MON2: variants seen among roughly 807,000 people sequenced by gnomAD.
The protein encoded by MON2 is protein MON2 homolog.
MON2 carries 84 observed loss-of-function variants against 208.6 expected under a neutral mutation model. The ratio of observed to expected loss-of-function variants is 0.40; its 90% CI spans 0.34 to 0.48. MON2 has a LOEUF of 0.48. MON2 is among the 20% of genes least tolerant of loss of function. MON2 has a pLI of 0.59. For missense variants in MON2, 1,611 were observed against 2,015.4 expected, an observed-to-expected ratio of 0.80 and a Z score of 3.84; for synonymous variants, 660 against 694.0, an observed-to-expected ratio of 0.95 and a Z score of 0.77.
chr12:62,496,736 A>C (rs1181810673), intron 4 of MON2, among the ~76,000 whole-genome samples: 2 of 152,234 alleles, frequency 1.3e-5, no homozygotes, highest in Admixed American at 1.3e-4. Flanking sequence ...TATCTAGACT[A>C]TATAAAGAAC....
chr12:62,532,468 A>G lies in MON2; in HGVS notation c.1431A>G (p.Pro477=). Residue 477 remains proline, a synonymous_variant, in exon 12 of 35, where the codon CCA becomes CCG. Transcript: ENST00000393630. ...AAATGTTGGACAAAGTTGAGCCTCC[A>G]ACTATACCTGAAGGTTACGCCATGT... is the stretch of plus-strand genomic sequence containing the variant. ...YLEMLDKVEP[P]TIPEGYAMSV... The G allele has an allele frequency of 3.1e-6, 5 of 1,614,082 alleles. No individual in the cohort carries two copies. Among genetic ancestry groups the G allele is most frequent in the Non-Finnish European group, 4.2e-6 (5 of 1,179,960 alleles).
chr12:62,471,313 C>T lies in MON2; in HGVS notation c.111+3995C>T, dbSNP rs1467160650. 4.6e-5 allele frequency among the ~76,000 whole-genome samples: 7 copies of T among 152,032 alleles called. No individual in the cohort carries two copies. The East Asian group carries it at 9.7e-4, about 21-fold the overall frequency. ...TTTTCCCGCCTCAGCCTCCTGAGTA[C>T]CTGGGATCACAGGCGCGTGCCACCA... On this transcript the variant is annotated intron_variant, in intron 1 of 34. Transcript: ENST00000393630.
intron 32 of MON2, among the ~76,000 whole-genome samples, 190 bp downstream of exon 32, chr12:62,580,610 T>C (rs2074970457): frequency 1.3e-5 from 2 of 152,168 alleles, no homozygotes; most frequent in African/African-American, 2.4e-5. Flanking sequence ...AATAGAATGT[T>C]TTTATTCCAT....
At chr12:62,490,522 G>T (rs1319449087) in intron 2 of MON2, among the ~76,000 whole-genome samples, 1 of 152,066 alleles carries the variant, frequency 6.6e-6, no homozygotes, top group African/African-American at 2.4e-5. Context: ...ATATCTCTCA[G>T]TTGGAAGAGC....
intron 7 of MON2, among the ~76,000 whole-genome samples, chr12:62,504,064 G>A (rs1216885356): frequency 6.6e-6 from 1 of 151,910 alleles, no homozygotes; most frequent in African/African-American, 2.4e-5. Flanking sequence ...CAGGGATTTA[G>A]TACACTGTTG....
At chr12:62,503,131 T>C (rs1229458314) in intron 7 of MON2, among the ~76,000 whole-genome samples, 1 of 152,204 alleles carries the variant, frequency 6.6e-6, no homozygotes, top group Non-Finnish European at 1.5e-5. Flanking sequence ...CCAGATTCCT[T>C]ACATATTAAT....
rs149287938 is a variant in MON2 at position 62,573,884 on chromosome 12, T to C, written c.4514+2302T>C. 9.9e-3 allele frequency among the ~76,000 whole-genome samples: 1,513 copies of C among 152,310 alleles called. 19 individuals carry two copies. Among genetic ancestry groups the C allele is most frequent in the Non-Finnish European group, 0.017 (1,137 of 68,026 alleles). ...TCAATGCAGTTGTAGTATAATTTCA[T>C]TTAAAATATTTTGCCTGATTATGGC... is the stretch of plus-strand genomic sequence containing the variant. On this transcript the variant is annotated intron_variant, in intron 30 of 34. Coordinates refer to ENST00000393630, the MANE Select transcript of MON2 (RefSeq NM_015026.3).
intron 20 of MON2, among the ~76,000 whole-genome samples, 166 bp downstream of exon 20, chr12:62,543,364 G>A (rs550611693): frequency 1.3e-5 from 2 of 151,956 alleles, no homozygotes; most frequent in African/African-American, 4.8e-5. Context: ...AAGTTGTTTT[G>A]TAATTTATTT....
Position 62,535,667 on chromosome 12 carries a change from A to C in MON2, c.1858A>C (p.Thr620Pro), listed in dbSNP as rs2136232100. ...TTCCCTGCCTCCCCATTATGCTCTT[A>C]CTGTATTGAATACCACCACTGCAGC... ...KGSLPPHYAL[T>P]VLNTTTAATL... The change falls in exon 14 of 35, where the codon ACT becomes CCT. Residue 620 changes from threonine (T) to proline (P), a missense_variant. Physicochemically the swap from Thr to Pro is conservative, Grantham distance 38. Transcript: ENST00000393630. 1.9e-6 allele frequency: 3 copies of C among 1,613,230 alleles called. No homozygotes were observed. In the East Asian group the frequency reaches 6.7e-5, roughly 36 times the overall value.
At chr12:62,586,612 A>G (rs2075228100) in intron 33 of MON2, among the ~76,000 whole-genome samples, 1 of 152,064 alleles carries the variant, frequency 6.6e-6, no homozygotes, top group South Asian at 2.1e-4. Flanking sequence ...GTGTATTTTG[A>G]ATTTCTAGAA....
At chr12:62,580,835 C>T (rs1198247169) in intron 32 of MON2, among the ~76,000 whole-genome samples, 2 of 152,152 alleles carry the variant, frequency 1.3e-5, no homozygotes, top group African/African-American at 4.8e-5. Context: ...TGCCACTTAG[C>T]AGTCAATTAA....
chr12:62,483,443 G>A lies in MON2; in HGVS notation c.112-727G>A, dbSNP rs1795715. The stretch of plus-strand genomic sequence containing the variant: ...GGTCTGGGCACGGTGGCCCATGCCT[G>A]TAATCCTGGCACTTTGGGAGGCTGA... On this transcript the variant is annotated intron_variant, in intron 1 of 34. Transcript: ENST00000393630. Among the ~76,000 whole-genome samples the A allele has an allele frequency of 5.3e-3, 802 of 152,350 alleles. 4 individuals are homozygous for A. Among genetic ancestry groups the A allele is most frequent in the Middle Eastern group, 0.02 (6 of 294 alleles).
chr12:62,532,367 G>A, intron 11 of MON2, 71 bp from the exon 12 acceptor site: 5 of 1,104,110 alleles, frequency 4.5e-6, no homozygotes, highest in Non-Finnish European at 6.8e-6. Context: ...TCTGTAAATT[G>A]TAGAAAATAG....
rs746669822 is a variant in MON2, at chr12:62,532,659, A to T, written c.1622A>T (p.Asp541Val). The change falls in exon 12 of 35, where the codon GAT (aspartate) becomes GTT (valine). Residue 541 changes from aspartate to valine, a missense_variant. Coordinates refer to ENST00000393630, the MANE Select transcript of MON2 (RefSeq NM_015026.3). The part of the protein sequence containing the change: ...QDLQSTSDQM[D>V]KEIVSRAVWE... ...TTACAGTCAACATCAGACCAAATGG[A>T]TAAGGAAATTGGTATGAGTCTGTAT... 3 of 1,607,536 alleles carry T rather than the reference A, an allele frequency of 1.9e-6. No individual in the cohort carries two copies. The highest frequency in any genetic ancestry group is 2.6e-6 in the Non-Finnish European group (3 of 1,174,064).
chr12:62,539,158 G>A (rs957515628), intron 19 of MON2, among the ~76,000 whole-genome samples: 6 of 151,810 alleles, frequency 4.0e-5, no homozygotes, highest in African/African-American at 1.5e-4. Context: ...AATATAGTTT[G>A]ACTATTTACA....
intron 30 of MON2, among the ~76,000 whole-genome samples, chr12:62,576,361 G>A (rs1417026819): frequency 6.6e-6 from 1 of 151,890 alleles, no homozygotes; most frequent in Non-Finnish European, 1.5e-5. Context: ...TCTTTTTGGG[G>A]GGGTGATCAA....
At chr12:62,478,938 A>G (rs187773689) in intron 1 of MON2, among the ~76,000 whole-genome samples, 9 of 152,334 alleles carry the variant, frequency 5.9e-5, no homozygotes, top group Admixed American at 2.0e-4. Context: ...GAGTTGAGGG[A>G]AAAAACCCTG....
In MON2 at chr12:62,500,855, C is replaced by A; in HGVS notation, c.638C>A (p.Ala213Asp). The A allele has an allele frequency of 6.3e-7, 1 of 1,583,552 alleles. No homozygotes were observed. Among genetic ancestry groups the A allele is most frequent in the Non-Finnish European group, 8.6e-7 (1 of 1,163,248 alleles). ...TCTGTCAGTACCCTCAAACCTTGTG[C>A]TAAAGATGCATATATGCTTTTCCAG... ...RRSVSTLKPC[A>D]KDAYMLFQDL... Residue 213 changes from alanine to aspartate, a missense_variant, in exon 6 of 35, where the codon GCT becomes GAT. Ala to Asp is a moderately radical substitution (Grantham distance 126, BLOSUM62 -2). Transcript: ENST00000393630.
At chr12:62,525,337 T>C (rs1355808235) in intron 10 of MON2, 117 bp downstream of exon 10, 5 of 1,007,860 alleles carry the variant, frequency 5.0e-6, no homozygotes, top group Non-Finnish European at 7.3e-6. Flanking sequence ...CCTAAACATG[T>C]TGGTAGTAAA....
Sources: gnomAD v4.1 joint callset for allele counts (sites outside exome capture counted in the v4.1 genomes callset) on GRCh38, gnomAD v4.1.1 for gene constraint, MANE v1.5 for transcripts, NCBI Gene and HGNC (gene_info 2026-07-23, HGNC 2026-07-21) for gene names.